The following ARHGAP26 variants were observed in gnomAD, a reference collection of about 807,000 sequenced individuals.
The protein encoded by ARHGAP26 is Rho GTPase activating protein 26.
A neutral mutation model predicts 104.8 loss-of-function variants in ARHGAP26; 38 were observed. That is an observed-to-expected ratio of 0.36 (90% CI 0.28 to 0.48). The LOEUF is 0.48. ARHGAP26 is among the 20% of genes least tolerant of loss of function. The pLI is 0.99. For synonymous variants in ARHGAP26, 341 were observed against 340.0 expected (o/e 1.00, Z -0.03); for missense variants, 704 against 947.9 (o/e 0.74, Z 3.38).
rs1422037281 is a variant in ARHGAP26, at chr5:143,225,943, T to C, written c.*3497T>C. On this transcript the variant is annotated 3_prime_UTR_variant, in exon 23 of 23. Coordinates refer to ENST00000645722, the MANE Select transcript of ARHGAP26 (RefSeq NM_001135608.3). ...GGAACTTGAAGACTAAAGATTTTAC[T>C]CTCTCCCCTATCCATGCCCCCTACC... 1 of 219,712 alleles carries C rather than the reference T, an allele frequency of 4.6e-6. No homozygotes were observed. The highest frequency in any genetic ancestry group is 9.1e-6 in the Non-Finnish European group (1 of 109,336). 13.6% of individuals were successfully genotyped at this position (219,712 alleles called of 1,614,324 possible). A position where few individuals can be genotyped will look rare whatever the true frequency, so the allele number is the denominator to read the frequency against.
chr5:143,066,477 A>C lies in ARHGAP26; in HGVS notation c.1538+8730A>C, dbSNP rs1344489418. Reference sequence around the variant, plus strand: ...AAATTAATCTACACAAAGTTCTTAGAAGAGTGCCTGGCACATAATACACCT... The same window carrying C: ...AAATTAATCTACACAAAGTTCTTAGCAGAGTGCCTGGCACATAATACACCT... On this transcript the variant is annotated intron_variant, in intron 17 of 22. Transcript: ENST00000645722. Among the ~76,000 whole-genome samples the C allele has an allele frequency of 2.0e-5, 3 of 152,370 alleles. No homozygotes were observed. The East Asian group carries it at 5.8e-4, about 29-fold the overall frequency.
intron 1 of ARHGAP26, among the ~76,000 whole-genome samples, chr5:142,865,478 GTTTTTTTTTTTTT>G (rs35950662): frequency 4.3e-5 from 5 of 117,224 alleles, no homozygotes; most frequent in Non-Finnish European, 7.0e-5. Context: ...ACACGGAGAA[GTTTTTTTTTTTTT>G]TTTTTTTTTT....
At chr5:142,823,223 T>G (rs71590917) in intron 1 of ARHGAP26, among the ~76,000 whole-genome samples, 8,888 of 152,196 alleles carry the variant, frequency 0.058, 388 homozygotes, top group East Asian at 0.12. Context: ...GCTAAACACA[T>G]GAGCATTTAA....
At chr5:142,807,955 G>T (rs978341722) in intron 1 of ARHGAP26, among the ~76,000 whole-genome samples, 3 of 152,042 alleles carry the variant, frequency 2.0e-5, no homozygotes, top group Admixed American at 6.6e-5. Context: ...TTGTATTTTG[G>T]CAGGGTGTGG....
chr5:143,003,230 T>C (rs1777438236), intron 11 of ARHGAP26, among the ~76,000 whole-genome samples: 1 of 152,252 alleles, frequency 6.6e-6, no homozygotes, highest in Non-Finnish European at 1.5e-5. Flanking sequence ...ACCTACCACC[T>C]ACATGCTCCA....
intron 17 of ARHGAP26, among the ~76,000 whole-genome samples, chr5:143,093,737 C>G (rs1791837056): frequency 6.6e-6 from 1 of 152,120 alleles, no homozygotes; most frequent in Admixed American, 6.5e-5. Flanking sequence ...CTGTTCTCCC[C>G]TCTCCTTCCC....
intron 1 of ARHGAP26, among the ~76,000 whole-genome samples, chr5:142,803,616 G>A (rs114850719): frequency 0.01 from 1,589 of 152,220 alleles, 33 homozygotes; most frequent in African/African-American, 0.037. Context: ...CGCTATTGCC[G>A]AACATGCGAC....
chr5:143,187,452 A>G (rs1178029136), intron 20 of ARHGAP26, among the ~76,000 whole-genome samples: 15 of 152,138 alleles, frequency 9.9e-5, no homozygotes, highest in Admixed American at 9.2e-4. Context: ...TTCTAGGGCA[A>G]TTCAAGCAAA....
At chr5:143,085,638 C>T (rs1790487965) in intron 17 of ARHGAP26, among the ~76,000 whole-genome samples, 1 of 152,228 alleles carries the variant, frequency 6.6e-6, no homozygotes, top group Admixed American at 6.5e-5. Context: ...TCTATTCATG[C>T]TGTCCCTGTC....
In ARHGAP26 at chr5:143,214,068, C is replaced by A; in HGVS notation, c.2171C>A (p.Ala724Glu). Residue 724 changes from alanine to glutamate, a missense_variant, in exon 22 of 23, where the codon GCA becomes GAA. Ala to Glu is a moderately radical substitution (Grantham distance 107). This residue lies in a region of ARHGAP26 where 217 missense variants were observed against 242.6 expected (regional missense o/e 0.89). Transcript: ENST00000645722. The stretch of plus-strand genomic sequence containing the variant: ...CATGACTCAGAACTTTCGTTCACAG[C>A]AGGCACGGTCTTCGATAACGGTGAG... ...AEHDSELSFTAGTVFDNVHPS... is the reference protein window; with the variant it reads ...AEHDSELSFTEGTVFDNVHPS... The A allele has an allele frequency of 1.3e-6, 2 of 1,576,604 alleles. No homozygotes were observed. Among genetic ancestry groups the A allele is most frequent in the Non-Finnish European group, 1.7e-6 (2 of 1,157,238 alleles).
At position 142,973,341 on chromosome 5, in the gene ARHGAP26, G is replaced by A. The variant is rs572758932; in HGVS notation, c.1108-40739G>A. On this transcript the variant is annotated intron_variant, in intron 11 of 22. Coordinates refer to ENST00000645722, the MANE Select transcript of ARHGAP26 (RefSeq NM_001135608.3). ...GATGCAGGTCTGTGTGTCCTTTTAAGAAAAGCACTGTGACAGTAGCGACAT... is the reference window on the plus strand; with the variant it reads ...GATGCAGGTCTGTGTGTCCTTTTAAAAAAAGCACTGTGACAGTAGCGACAT... 2.6e-5 allele frequency among the ~76,000 whole-genome samples: 4 copies of A among 152,184 alleles called. No homozygotes were observed. In the South Asian group the frequency reaches 8.3e-4, roughly 31 times the overall value.
At position 143,228,033 on chromosome 5, in the gene ARHGAP26, C is replaced by T; in HGVS notation, c.*5587C>T. ...GACATGACATGTCCATGTCAAAATT[C>T]ACTTTAGTCAGAACCAGAGTATTGA... On this transcript the variant is annotated 3_prime_UTR_variant, in exon 23 of 23. Transcript: ENST00000645722. 9.1e-6 allele frequency: 2 copies of T among 220,286 alleles called. No individual in the cohort carries two copies. The highest frequency in any genetic ancestry group is 1.8e-5 in the Non-Finnish European group (2 of 109,992). The allele number at this position is 220,286 out of a possible 1,614,324, so 13.6% of individuals were successfully genotyped here.
intron 11 of ARHGAP26, among the ~76,000 whole-genome samples, chr5:142,937,473 G>A (rs1765594022): frequency 6.6e-6 from 1 of 152,206 alleles, no homozygotes; most frequent in African/African-American, 2.4e-5. Context: ...CAGCCATGCT[G>A]GCAAGTCACT....
chr5:143,022,332 C>G (rs957829951), intron 12 of ARHGAP26, among the ~76,000 whole-genome samples: 1 of 152,212 alleles, frequency 6.6e-6, no homozygotes, highest in African/African-American at 2.4e-5. Context: ...CTCGGCCTCC[C>G]AAAGTGTTGG....
chr5:142,989,419 CTCTT>C (rs1158347041), intron 11 of ARHGAP26, among the ~76,000 whole-genome samples: 1 of 152,148 alleles, frequency 6.6e-6, no homozygotes, highest in African/African-American at 2.4e-5. Context: ...TGGGTCTTGA[CTCTT>C]TATCCAGTTT....
At chr5:143,044,221 A>G (rs577292970) in intron 14 of ARHGAP26, among the ~76,000 whole-genome samples, 35 of 152,330 alleles carry the variant, frequency 2.3e-4, no homozygotes, top group African/African-American at 7.9e-4. Flanking sequence ...TGCTCATATA[A>G]CTGGTAAATC....
intron 17 of ARHGAP26, among the ~76,000 whole-genome samples, chr5:143,085,452 A>G (rs1790457307): frequency 1.4e-5 from 2 of 147,738 alleles, no homozygotes; most frequent in African/African-American, 4.9e-5. Context: ...AGTTAATGGC[A>G]TGTGTGAAGG....
intron 11 of ARHGAP26, among the ~76,000 whole-genome samples, chr5:142,974,363 C>T (rs1353587171): frequency 6.6e-6 from 1 of 152,084 alleles, no homozygotes; most frequent in Non-Finnish European, 1.5e-5. Flanking sequence ...GTTCTGACAG[C>T]TAAACCCTGG....
At chr5:143,011,262 C>T (rs550697693) in intron 11 of ARHGAP26, among the ~76,000 whole-genome samples, 7 of 150,276 alleles carry the variant, frequency 4.7e-5, no homozygotes, top group South Asian at 2.1e-4. Flanking sequence ...TCATCTCTTC[C>T]GAGAGGCATT....
Sources: allele counts gnomAD v4.1 joint callset (sites outside exome capture counted in the v4.1 genomes callset), GRCh38; gene constraint gnomAD v4.1.1; regional missense constraint gnomAD v4.1.1; transcripts MANE v1.5; gene names NCBI Gene and HGNC (gene_info 2026-07-23, HGNC 2026-07-21).